The following SEMA5B variants were observed in gnomAD, a reference collection of about 807,000 sequenced individuals.
The protein encoded by SEMA5B is semaphorin 5B.
Under a neutral mutation model 135.0 loss-of-function variants are expected in SEMA5B, and 66 were observed. The observed-to-expected ratio is 0.49, with a 90% confidence interval of 0.40 to 0.60. The LOEUF is 0.60. Ranked by LOEUF, SEMA5B falls within the 20% of genes least tolerant of loss-of-function variation. The probability of loss-of-function intolerance (pLI) is 0.00; values close to 1 mark genes in which losing one functional copy is unlikely to be tolerated. For synonymous variants in SEMA5B, 690 were observed against 639.5 expected (o/e 1.08, Z -1.19); for missense variants, 1,501 against 1,566.3 (o/e 0.96, Z 0.70).
chr3:122,931,682 A>C (rs541038419), intron 5 of SEMA5B, among the ~76,000 whole-genome samples: 1 of 152,330 alleles, frequency 6.6e-6, no homozygotes, highest in South Asian at 2.1e-4. Context: ...TTGTCTGTTT[A>C]GAGAATCATT....
intron 1 of SEMA5B, among the ~76,000 whole-genome samples, chr3:123,000,993 A>C (rs1483207429): frequency 2.0e-5 from 3 of 152,190 alleles, no homozygotes; most frequent in African/African-American, 7.2e-5. Flanking sequence ...AAGGGACTGC[A>C]CTAGATGGGG....
chr3:122,923,186 G>A (rs10212232), intron 10 of SEMA5B, among the ~76,000 whole-genome samples: 17,819 of 152,152 alleles, frequency 0.12, 1,247 homozygotes, highest in African/African-American at 0.2. Flanking sequence ...CACTACCCAC[G>A]GCTGGGCCCT....
intron 1 of SEMA5B, among the ~76,000 whole-genome samples, chr3:123,000,015 C>G (rs1055655500): frequency 3.3e-5 from 5 of 152,160 alleles, no homozygotes; most frequent in African/African-American, 9.7e-5. Context: ...TGAGACCATC[C>G]TGGCTAACGT....
chr3:122,993,889 G>A (rs373588123), intron 1 of SEMA5B, among the ~76,000 whole-genome samples: 140 of 151,886 alleles, frequency 9.2e-4, no homozygotes, highest in Non-Finnish European at 1.3e-3. Flanking sequence ...CAGCGGCATC[G>A]CCCCTCCTTT....
chr3:122,913,742 C>A, intron 15 of SEMA5B, 61 bp from the exon 16 acceptor site: 5 of 1,592,938 alleles, frequency 3.1e-6, no homozygotes, highest in Non-Finnish European at 4.3e-6. Flanking sequence ...ACGAGAGGTC[C>A]CTGGGAGTGC....
intron 10 of SEMA5B, 103 bp from the exon 11 acceptor site, chr3:122,922,550 G>T (rs1938419250): frequency 1.8e-6 from 2 of 1,081,602 alleles, no homozygotes; most frequent in East Asian, 2.6e-5. Context: ...AGCAGCGGAC[G>T]CTGATTCTCC....
intron 20 of SEMA5B, 97 bp from the exon 21 acceptor site, chr3:122,911,632 G>T (rs891265369): frequency 1.5e-6 from 2 of 1,296,340 alleles, no homozygotes; most frequent in Non-Finnish European, 1.1e-6. Context: ...CTAGGTCAAC[G>T]CTCAGACGTA....
At chr3:123,022,207 C>G (rs1315075707) in intron 1 of SEMA5B, among the ~76,000 whole-genome samples, 2 of 152,186 alleles carry the variant, frequency 1.3e-5, no homozygotes, top group Admixed American at 6.5e-5. Flanking sequence ...CCAGCCTCCC[C>G]ACTCTGTAAC....
chr3:122,956,322 CAT>C (rs1431362007), intron 2 of SEMA5B, among the ~76,000 whole-genome samples: 10 of 152,180 alleles, frequency 6.6e-5, no homozygotes, highest in Non-Finnish European at 1.3e-4. Flanking sequence ...AATGCACGCG[CAT>C]GTGTGTGAGA....
At chr3:122,990,435 TAGCAGCAGC>T (rs745521177) in intron 1 of SEMA5B, among the ~76,000 whole-genome samples, 4 of 151,748 alleles carry the variant, frequency 2.6e-5, no homozygotes, top group Admixed American at 6.6e-5. Flanking sequence ...GGAGAGGGTG[TAGCAGCAGC>T]AGCAGCAGCA....
chr3:122,935,026 C>G (rs1292894680), intron 5 of SEMA5B, among the ~76,000 whole-genome samples: 1 of 152,124 alleles, frequency 6.6e-6, no homozygotes, highest in Non-Finnish European at 1.5e-5. Flanking sequence ...TGTTAAAGTG[C>G]TATTGAGTAC....
rs561761170 is a variant in SEMA5B at position 122,944,660 on chromosome 3, G to A, written c.329-1125C>T. 2.6e-5 allele frequency among the ~76,000 whole-genome samples: 4 copies of A among 152,334 alleles called. No individual in the cohort carries two copies. In the East Asian group the frequency reaches 5.8e-4, roughly 22 times the overall value. On this transcript the variant is annotated intron_variant, in intron 3 of 22. Coordinates refer to ENST00000357599, the MANE Select transcript of SEMA5B (RefSeq NM_001031702.4). ...GTTCCCAATCAAGGCCTTTCAAAGG[G>A]ACTGGGTGGGCAGAGAGGAGACCTC... is the stretch of plus-strand genomic sequence containing the variant.
intron 1 of SEMA5B, among the ~76,000 whole-genome samples, chr3:122,992,001 T>A (rs1037343428): frequency 6.6e-6 from 1 of 151,980 alleles, no homozygotes; most frequent in Non-Finnish European, 1.5e-5. Flanking sequence ...ACCTCCTAGA[T>A]CTCCTTATTC....
Position 122,910,142 on chromosome 3 carries a change from A to T in SEMA5B, c.*1T>A, listed in dbSNP as rs1233155157. ...AAGCCCAAGTCCCCAGGACGGCGGT[A>T]TCAGCTGTTGGGGAAGCACCGTTGT... On this transcript the variant is annotated 3_prime_UTR_variant, in exon 23 of 23. Transcript: ENST00000357599. 6.2e-7 allele frequency: 1 copy of T among 1,613,784 alleles called. No homozygotes were observed. The highest frequency in any genetic ancestry group is 1.7e-5 in the Admixed American group (1 of 60,002).
intron 4 of SEMA5B, among the ~76,000 whole-genome samples, chr3:122,939,952 T>C (rs925089199): frequency 6.6e-6 from 1 of 152,154 alleles, no homozygotes; most frequent in Non-Finnish European, 1.5e-5. Context: ...CCATCTCTCC[T>C]GGCTCCACAT....
chr3:123,026,397 C>T (rs1243839027), intron 1 of SEMA5B, among the ~76,000 whole-genome samples: 1 of 151,366 alleles, frequency 6.6e-6, no homozygotes, highest in Non-Finnish European at 1.5e-5. Context: ...CGGCCCACTC[C>T]CGCCTGGCGC....
chr3:122,922,385 C>T lies in SEMA5B; in HGVS notation c.1335G>A (p.Ala445=), dbSNP rs1214299086. ...CCTCGCTCATCAGGAAGAGGCGCTG[C>T]GCGTCCTGCAGGCTGCGCTCCGTCA... ...ENLTERSLQD[A]QRLFLMSEAV... The change falls in exon 11 of 23, where the codon GCG becomes GCA. Residue 445 remains alanine, a synonymous_variant. Coordinates refer to ENST00000357599, the MANE Select transcript of SEMA5B (RefSeq NM_001031702.4). The T allele has an allele frequency of 6.2e-7, 1 of 1,612,168 alleles. No individual in the cohort carries two copies. The highest frequency in any genetic ancestry group is 8.5e-7 in the Non-Finnish European group (1 of 1,179,304).
At chr3:122,960,022 C>A (rs1243662561) in intron 2 of SEMA5B, among the ~76,000 whole-genome samples, 1 of 152,212 alleles carries the variant, frequency 6.6e-6, no homozygotes, top group Non-Finnish European at 1.5e-5. Flanking sequence ...CCTCCTCCCC[C>A]TGGGCAGGCT....
chr3:122,911,646 C>T (rs775200365), intron 20 of SEMA5B, 111 bp from the exon 21 acceptor site: 3 of 1,178,946 alleles, frequency 2.5e-6, no homozygotes, highest in Non-Finnish European at 3.6e-6. Context: ...AGACGTAGGA[C>T]TAGGTAGGCG....
Sources: allele counts gnomAD v4.1 joint callset (sites outside exome capture counted in the v4.1 genomes callset), GRCh38; gene constraint gnomAD v4.1.1; transcripts MANE v1.5; gene names NCBI Gene and HGNC (gene_info 2026-07-23, HGNC 2026-07-21).